Variants in ZBTB40 observed in about 807,000 individuals in gnomAD.
ZBTB40 encodes zinc finger and BTB domain-containing protein 40.
In ZBTB40, 60 loss-of-function variants were observed where a neutral mutation model predicts 117.5. The ratio of observed to expected loss-of-function variants is 0.51; its 90% CI spans 0.41 to 0.63. ZBTB40 has a LOEUF of 0.63. ZBTB40 is among the 30% of genes least tolerant of loss of function. ZBTB40 has a pLI of 0.00. For synonymous variants in ZBTB40, 525 were observed against 577.1 expected, an observed-to-expected ratio of 0.91 and a Z score of 1.29; for missense variants, 1,287 against 1,498.5, an observed-to-expected ratio of 0.86 and a Z score of 2.33.
At chr1:22,446,545 C>T (rs1026143355) in intron 1 of ZBTB40, among the ~76,000 whole-genome samples, 16 of 151,700 alleles carry the variant, frequency 1.1e-4, no homozygotes, top group African/African-American at 3.9e-4. Flanking sequence ...ACCTTACCTA[C>T]AGAGGAGCAA....
At chr1:22,430,264 T>C (rs1640562115) in intron 1 of ZBTB40, among the ~76,000 whole-genome samples, 1 of 152,144 alleles carries the variant, frequency 6.6e-6, no homozygotes, top group African/African-American at 2.4e-5. Context: ...CCTATAATAA[T>C]CTTGTCTCAT....
chr1:22,500,331 A>G (rs1638894282), intron 3 of ZBTB40, among the ~76,000 whole-genome samples: 1 of 152,186 alleles, frequency 6.6e-6, no homozygotes, highest in South Asian at 2.1e-4. Context: ...CTGGAGGACA[A>G]GGTGTGTCCA....
rs546093066 is a variant in ZBTB40 at position 22,432,420 on chromosome 1, G to A, written c.-70+3406G>A. ...GCTACTCCCAACATCTGCTCCGTCT[G>A]TATTCTTTGGAGCTGCTCTATCTAA... On this transcript the variant is annotated intron_variant, in intron 1 of 8. Transcript: ENST00000650433. 6.6e-5 allele frequency among the ~76,000 whole-genome samples: 10 copies of A among 152,304 alleles called. No homozygotes were observed. In the South Asian group the frequency reaches 2.1e-3, roughly 32 times the overall value.
At position 22,521,609 on chromosome 1, in the gene ZBTB40, C is replaced by T. The variant is rs541275751; in HGVS notation, c.3162C>T (p.Thr1054=). The T allele has an allele frequency of 1.2e-6, 2 of 1,614,206 alleles. No homozygotes were observed. The highest frequency in any genetic ancestry group is 1.1e-5 in the South Asian group (1 of 91,076). Residue 1054 remains threonine, a synonymous_variant, in exon 15 of 18, where the codon ACC becomes ACT. Coordinates refer to ENST00000375647, the MANE Select transcript of ZBTB40 (RefSeq NM_014870.4). ...TCCAGTGCAGCTCCTGTGACAAAAC[C>T]TTCCCCAACACCATTGAGCACAAGA... ...SSLQCSSCDK[T]FPNTIEHKKH...
intron 1 of ZBTB40, among the ~76,000 whole-genome samples, chr1:22,479,921 G>T (rs967417567): frequency 1.3e-5 from 2 of 151,322 alleles, no homozygotes; most frequent in Non-Finnish European, 2.9e-5. Context: ...TTGTTTTTTT[G>T]GGGGGGACAG....
At chr1:22,494,378 G>A (rs1200224351) in intron 3 of ZBTB40, among the ~76,000 whole-genome samples, 1 of 152,204 alleles carries the variant, frequency 6.6e-6, no homozygotes, top group African/African-American at 2.4e-5. Flanking sequence ...TACTGCAGGG[G>A]TAGTGTCTAG....
At chr1:22,490,888 C>T (rs209754) in intron 2 of ZBTB40, among the ~76,000 whole-genome samples, 3,415 of 152,114 alleles carry the variant, frequency 0.022, 139 homozygotes, top group African/African-American at 0.077. Context: ...TTATCTGTTT[C>T]GTTTTGTTTT....
chr1:22,491,611 G>A (rs973149030), intron 3 of ZBTB40, 78 bp downstream of exon 3: 50 of 1,450,442 alleles, frequency 3.4e-5, no homozygotes, highest in Non-Finnish European at 4.8e-5. Context: ...ATATGGGGCA[G>A]AAATAGCCCA....
intron 1 of ZBTB40, among the ~76,000 whole-genome samples, chr1:22,443,323 C>T (rs1020435810): frequency 6.6e-6 from 1 of 151,972 alleles, no homozygotes. Context: ...TTTAGGGAGA[C>T]AGAAGCCACA....
Position 22,526,595 on chromosome 1 carries a change from C to A in ZBTB40, c.*199C>A. The A allele has an allele frequency of 1.6e-6, 1 of 644,848 alleles. No individual in the cohort carries two copies. The allele number at this position is 644,848 out of a possible 1,614,324, so 39.9% of individuals were successfully genotyped here. A position where few individuals can be genotyped will look rare whatever the true frequency, so the allele number is the denominator to read the frequency against. ...ACAGCATCTGAGCCCTCAACACCAA[C>A]AGCACCATCCTCTGTAGCAGACAGG... On this transcript the variant is annotated 3_prime_UTR_variant, in exon 18 of 18. Transcript: ENST00000375647.
chr1:22,430,428 C>A (rs1640564079), intron 1 of ZBTB40, among the ~76,000 whole-genome samples: 1 of 152,052 alleles, frequency 6.6e-6, no homozygotes, highest in South Asian at 2.1e-4. Context: ...GTCTTTACAA[C>A]AAATTTTTAA....
At chr1:22,484,573 A>G (rs1306810666) in intron 1 of ZBTB40, among the ~76,000 whole-genome samples, 1 of 152,184 alleles carries the variant, frequency 6.6e-6, no homozygotes, top group Non-Finnish European at 1.5e-5. Context: ...TGTAAAGACA[A>G]TCATGTAGTC....
At position 22,517,360 on chromosome 1, in the gene ZBTB40, G is replaced by A. The variant is rs748742840; in HGVS notation, c.2729G>A (p.Arg910His). The change falls in exon 13 of 18, where the codon CGC becomes CAC. Residue 910 changes from arginine (R) to histidine (H), a missense_variant. Arg to His is a conservative substitution (Grantham distance 29). Transcript: ENST00000375647. ...TTTGCCCAGTCTATTGAGCTGTCCCGCCACGTGAGGACCCACACCGGGGAC... is the reference window on the plus strand; with the variant it reads ...TTTGCCCAGTCTATTGAGCTGTCCCACCACGTGAGGACCCACACCGGGGAC... ...AVFAQSIELS[R>H]HVRTHTGDKP... 1.2e-5 allele frequency: 20 copies of A among 1,614,016 alleles called. No individual in the cohort carries two copies. Among genetic ancestry groups the A allele is most frequent in the South Asian group, 2.2e-5 (2 of 91,088 alleles).
intron 9 of ZBTB40, among the ~76,000 whole-genome samples, chr1:22,509,633 GC>G (rs1404313922): frequency 6.6e-6 from 1 of 152,232 alleles, no homozygotes. Flanking sequence ...ACAGGCGTGA[GC>G]CACTGTGCCT....
intron 13 of ZBTB40, among the ~76,000 whole-genome samples, chr1:22,518,617 A>T (rs1639438086): frequency 6.6e-6 from 1 of 152,160 alleles, no homozygotes; most frequent in Non-Finnish European, 1.5e-5. Context: ...GCTTTATGTA[A>T]ACACATCCAA....
intron 14 of ZBTB40, among the ~76,000 whole-genome samples, chr1:22,521,244 T>G (rs755070697): frequency 9.9e-5 from 15 of 152,174 alleles, no homozygotes; most frequent in Non-Finnish European, 1.5e-4. Flanking sequence ...CATAGGCTTG[T>G]TGTAAGGAAT....
chr1:22,469,643 G>A (rs908873673), intron 1 of ZBTB40, among the ~76,000 whole-genome samples: 4 of 151,908 alleles, frequency 2.6e-5, no homozygotes, highest in South Asian at 2.1e-4. Context: ...TGAAACCTCC[G>A]CCTCCTGGCT....
intron 8 of ZBTB40, 49 bp downstream of exon 8, chr1:22,508,780 G>A: frequency 6.4e-7 from 1 of 1,570,700 alleles, no homozygotes; most frequent in Non-Finnish European, 8.7e-7. Context: ...AGAGATGACT[G>A]TCAGTCTTCC....
upstream of ZBTB40, among the ~76,000 whole-genome samples, chr1:22,450,306 T>A (rs747714446): frequency 6.6e-6 from 1 of 152,126 alleles, no homozygotes; most frequent in Non-Finnish European, 1.5e-5. Flanking sequence ...TCTAGGTGTT[T>A]GTTTGCTAAA....
Sources: allele counts gnomAD v4.1 joint callset (sites outside exome capture counted in the v4.1 genomes callset), GRCh38; gene constraint gnomAD v4.1.1; transcripts MANE v1.5; gene names NCBI Gene and HGNC (gene_info 2026-07-23, HGNC 2026-07-21).